Variants in ERAP1 observed in about 807,000 individuals in gnomAD.
The protein encoded by ERAP1 is endoplasmic reticulum aminopeptidase 1.
Under a neutral mutation model 103.7 loss-of-function variants are expected in ERAP1, and 86 were observed. The ratio of observed to expected loss-of-function variants is 0.83; its 90% CI spans 0.70 to 0.99. The LOEUF is 0.99. Among genes scored for constraint, ERAP1 ranks in the 50% least tolerant of loss-of-function variants. The pLI is 0.00. For synonymous variants in ERAP1, 398 were observed against 402.4 expected, an observed-to-expected ratio of 0.99 and a Z score of 0.13; for missense variants, 1,009 against 1,128.4, an observed-to-expected ratio of 0.89 and a Z score of 1.52.
At chr5:96,901,530 G>A in the ERAP1 span, 137 of 1,613,790 alleles carry the variant, frequency 8.5e-5, 1 homozygote, top group South Asian at 1.4e-3. Context: ...GGAAAATGCA[G>A]AGGTCAAAGA....
At chr5:96,898,572 C>CAAAAAAAAAAAA in the ERAP1 span, among the ~76,000 whole-genome samples, 8 of 94,382 alleles carry the variant, frequency 8.5e-5, no homozygotes, top group African/African-American at 1.3e-4. Context: ...TACTAAAATA[C>CAAAAAAAAAAAA]AAAAAAAAAA....
At chr5:96,933,371 T>G in the ERAP1 span, among the ~76,000 whole-genome samples, 1 of 152,052 alleles carries the variant, frequency 6.6e-6, no homozygotes, top group Non-Finnish European at 1.5e-5. Context: ...TAGCTGGGAT[T>G]ACAGGTGTGT....
At chr5:96,784,128 G>A (rs1454586574) in intron 13 of ERAP1, 48 bp from the exon 14 acceptor site, 5 of 1,598,276 alleles carry the variant, frequency 3.1e-6, no homozygotes. Flanking sequence ...AATCCGGGAA[G>A]TCAACTTTTT....
the ERAP1 span, among the ~76,000 whole-genome samples, chr5:96,854,475 C>G: frequency 2.0e-5 from 3 of 152,090 alleles, no homozygotes; most frequent in Non-Finnish European, 2.9e-5. Flanking sequence ...CCTCTGAGCA[C>G]TCTTAATTTT....
the ERAP1 span, among the ~76,000 whole-genome samples, chr5:96,849,376 T>G: frequency 5.9e-5 from 9 of 151,990 alleles, no homozygotes; most frequent in African/African-American, 1.9e-4. Context: ...ACCCTAAAAC[T>G]CCACTAAAAA....
the ERAP1 span, among the ~76,000 whole-genome samples, chr5:96,859,280 A>T: frequency 6.6e-6 from 1 of 152,002 alleles, no homozygotes; most frequent in Non-Finnish European, 1.5e-5. Context: ...TTCCTTCCAC[A>T]CTGCCAAAAA....
At chr5:96,787,441 T>G (rs899219497) in intron 11 of ERAP1, among the ~76,000 whole-genome samples, 1 of 152,108 alleles carries the variant, frequency 6.6e-6, no homozygotes. Flanking sequence ...AATTTTTGTA[T>G]TTTTAGTAGA....
At chr5:96,839,450 G>GT in the ERAP1 span, among the ~76,000 whole-genome samples, 2 of 152,190 alleles carry the variant, frequency 1.3e-5, no homozygotes, top group Non-Finnish European at 2.9e-5. Flanking sequence ...GGGGCCCACT[G>GT]TGAGTTAGGA....
chr5:96,899,001 C>T, the ERAP1 span, among the ~76,000 whole-genome samples: 3 of 152,112 alleles, frequency 2.0e-5, no homozygotes, highest in African/African-American at 4.8e-5. Context: ...GGTGTGCATA[C>T]TGGCAGTAGA....
intron 12 of ERAP1, among the ~76,000 whole-genome samples, chr5:96,786,178 G>C (rs977933769): frequency 4.6e-5 from 7 of 152,156 alleles, no homozygotes; most frequent in African/African-American, 1.7e-4. Flanking sequence ...GAGATTTACA[G>C]ATCTATGAAA....
At chr5:96,889,451 T>C in the ERAP1 span, 2 of 879,224 alleles carry the variant, frequency 2.3e-6, no homozygotes, top group Admixed American at 1.8e-5. Flanking sequence ...TCAGAGATGA[T>C]TCTTGAGTGT....
chr5:96,910,492 ATTCTC>A, the ERAP1 span, among the ~76,000 whole-genome samples: 3 of 151,834 alleles, frequency 2.0e-5, no homozygotes, highest in Admixed American at 2.0e-4. Context: ...TAAATCTATT[ATTCTC>A]TTCTTTTTGT....
At chr5:96,900,021 A>T in the ERAP1 span, 2 of 1,358,610 alleles carry the variant, frequency 1.5e-6, no homozygotes, top group South Asian at 1.3e-5. Context: ...GAATTATTTC[A>T]TATAGCTCTT....
the ERAP1 span, among the ~76,000 whole-genome samples, chr5:96,830,301 C>G: frequency 1.3e-5 from 2 of 152,158 alleles, no homozygotes; most frequent in Admixed American, 1.3e-4. Flanking sequence ...TTTAAAAATC[C>G]TCTTTGGAGG....
chr5:96,856,375 G>GACAGAA, the ERAP1 span, among the ~76,000 whole-genome samples: 1 of 92,982 alleles, frequency 1.1e-5, no homozygotes, highest in Non-Finnish European at 2.2e-5. Flanking sequence ...TAGAGAGAGA[G>GACAGAA]AGAGAGAGAG....
At chr5:96,895,377 T>C in the ERAP1 span, 2 of 1,446,908 alleles carry the variant, frequency 1.4e-6, no homozygotes, top group East Asian at 2.3e-5. Flanking sequence ...CACAATTCTG[T>C]GTATCATACT....
chr5:96,772,333 T>G (rs1052750594), downstream of ERAP1: 2 of 153,404 alleles, frequency 1.3e-5, no homozygotes, highest in African/African-American at 4.8e-5. Flanking sequence ...AATGTAAGCC[T>G]TAAAAGCATA....
the ERAP1 span, among the ~76,000 whole-genome samples, chr5:96,902,066 T>G: frequency 3.9e-5 from 6 of 152,350 alleles, no homozygotes; most frequent in East Asian, 1.2e-3. Context: ...TAGGTAGATA[T>G]GGCTGCTCCT....
chr5:96,903,990 A>G, the ERAP1 span, among the ~76,000 whole-genome samples: 1 of 152,196 alleles, frequency 6.6e-6, no homozygotes, highest in Admixed American at 6.5e-5. Flanking sequence ...TTTCGACCCC[A>G]CATTTAAAAT....
Sources: gnomAD v4.1 joint callset for allele counts (sites outside exome capture counted in the v4.1 genomes callset) on GRCh38, gnomAD v4.1.1 for gene constraint, MANE v1.5 for transcripts, NCBI Gene and HGNC (gene_info 2026-07-23, HGNC 2026-07-21) for gene names.